The following EPHA6 variants were observed in gnomAD, a reference collection of about 807,000 sequenced individuals.
EPHA6 encodes the protein ephrin type-A receptor 6.
In EPHA6, 50 loss-of-function variants were observed where a neutral mutation model predicts 112.0. That is an observed-to-expected ratio of 0.45 (90% CI 0.36 to 0.56). EPHA6 has a LOEUF of 0.56. Among genes scored for constraint, EPHA6 ranks in the 20% least tolerant of loss-of-function variants. The pLI is 0.00. For missense variants in EPHA6, 1,280 were observed against 1,417.4 expected (o/e 0.90, Z 1.56); for synonymous variants, 529 against 490.7 (o/e 1.08, Z -1.03).
chr3:97,386,782 G>C (rs539392606), intron 5 of EPHA6, among the ~76,000 whole-genome samples: 1 of 152,222 alleles, frequency 6.6e-6, no homozygotes. Flanking sequence ...CCATAGTAGA[G>C]GTTCTCCATG....
At chr3:96,897,211 A>AACACACACAC (rs57409609) in intron 2 of EPHA6, among the ~76,000 whole-genome samples, 11 of 143,422 alleles carry the variant, frequency 7.7e-5, no homozygotes, top group Admixed American at 2.1e-4. Flanking sequence ...TGTATATACA[A>AACACACACAC]ACACACACAC....
intron 3 of EPHA6, among the ~76,000 whole-genome samples, chr3:96,990,926 G>C (rs893387529): frequency 1.3e-5 from 2 of 151,808 alleles, no homozygotes; most frequent in African/African-American, 4.8e-5. Flanking sequence ...AATAGGAAAA[G>C]AAAAAATGAG....
intron 2 of EPHA6, among the ~76,000 whole-genome samples, chr3:96,984,533 T>C (rs2042943418): frequency 6.6e-6 from 1 of 151,366 alleles, no homozygotes; most frequent in South Asian, 2.1e-4. Flanking sequence ...CTGTCCATTC[T>C]CAGATCTCAA....
chr3:97,153,686 A>G (rs571668530), intron 3 of EPHA6, among the ~76,000 whole-genome samples: 1 of 152,148 alleles, frequency 6.6e-6, no homozygotes, highest in Admixed American at 6.5e-5. Flanking sequence ...AATGTTATTT[A>G]TTTACACCTA....
chr3:97,691,426 T>C (rs1422524885), intron 14 of EPHA6, among the ~76,000 whole-genome samples: 1 of 152,238 alleles, frequency 6.6e-6, no homozygotes, highest in Non-Finnish European at 1.5e-5. Context: ...TGTGGGCCCC[T>C]TGTATCTTCA....
chr3:97,132,436 A>G (rs1303561485), intron 3 of EPHA6, among the ~76,000 whole-genome samples: 1 of 152,078 alleles, frequency 6.6e-6, no homozygotes, highest in Non-Finnish European at 1.5e-5. Context: ...CATTCAACTT[A>G]GTCTTTTTAA....
chr3:96,969,303 A>G (rs2042233898), intron 2 of EPHA6, among the ~76,000 whole-genome samples: 3 of 151,920 alleles, frequency 2.0e-5, no homozygotes, highest in South Asian at 4.1e-4. Flanking sequence ...AGATTTTCAT[A>G]TCTGGCACCC....
At chr3:97,168,897 G>A (rs1390360487) in intron 3 of EPHA6, among the ~76,000 whole-genome samples, 1 of 152,164 alleles carries the variant, frequency 6.6e-6, no homozygotes, top group African/African-American at 2.4e-5. Context: ...GTAATGGGCA[G>A]GGGTTGGAAC....
intron 5 of EPHA6, among the ~76,000 whole-genome samples, chr3:97,247,994 T>C (rs1460344861): frequency 1.3e-5 from 2 of 152,040 alleles, no homozygotes; most frequent in Non-Finnish European, 2.9e-5. Flanking sequence ...TGTAGTTGAC[T>C]GTATGTATAT....
At position 97,752,341 on chromosome 3, in the gene EPHA6, T is replaced by C. The variant is rs1025858677; in HGVS notation, c.*3640T>C. 8.9e-6 allele frequency: 2 copies of C among 224,226 alleles called. No individual in the cohort carries two copies. The highest frequency in any genetic ancestry group is 3.7e-4 in the South Asian group (2 of 5,442). The allele number at this position is 224,226 out of a possible 1,614,324, so 13.9% of individuals were successfully genotyped here. A position where few individuals can be genotyped will look rare whatever the true frequency, so the allele number is the denominator to read the frequency against. On this transcript the variant is annotated 3_prime_UTR_variant, in exon 18 of 18. Transcript: ENST00000389672. ...CAACCACATTTCTTAAAAATGTGTT[T>C]TGGTGTCTTTTCCTACCAAATTTCT... is the stretch of plus-strand genomic sequence containing the variant.
intron 12 of EPHA6, among the ~76,000 whole-genome samples, chr3:97,600,793 C>T (rs2093637144): frequency 2.0e-5 from 3 of 151,240 alleles, no homozygotes; most frequent in Non-Finnish European, 4.4e-5. Flanking sequence ...TTATGTAAGA[C>T]TAGCAGTGCA....
At chr3:97,631,993 T>C (rs1021902017) in intron 13 of EPHA6, among the ~76,000 whole-genome samples, 3 of 152,006 alleles carry the variant, frequency 2.0e-5, no homozygotes, top group African/African-American at 7.2e-5. Flanking sequence ...CAGATATCTA[T>C]ATAAGATATT....
intron 3 of EPHA6, among the ~76,000 whole-genome samples, chr3:97,218,868 A>G (rs921051621): frequency 3.3e-5 from 5 of 152,124 alleles, no homozygotes; most frequent in African/African-American, 1.2e-4. Context: ...AATCAAAAGC[A>G]AGTGAATTAG....
Position 97,596,886 on chromosome 3 carries a change from ATATATATATATATATATATGTATG to A in EPHA6, c.2512+4157_2512+4180del, listed in dbSNP as rs992441477. Reference sequence around the variant, plus strand: ...ATATATATCTATGGAATATATATATATATATATATATATATATATGTATGTATATATGCCAGATTGGATTATAGA... The same window carrying A: ...ATATATATCTATGGAATATATATATATATATATGCCAGATTGGATTATAGA... On this transcript the variant is annotated intron_variant, in intron 12 of 17. Coordinates refer to ENST00000389672, the MANE Select transcript of EPHA6 (RefSeq NM_001080448.3). 3.0e-5 allele frequency among the ~76,000 whole-genome samples: 4 copies of A among 134,018 alleles called. 1 individual carries two copies. Among genetic ancestry groups the A allele is most frequent in the African/African-American group, 8.8e-5 (3 of 34,228 alleles). 87.9% of individuals were successfully genotyped at this position (134,018 alleles called of 152,430 possible). A position where few individuals can be genotyped will look rare whatever the true frequency, so the allele number is the denominator to read the frequency against.
At chr3:97,479,265 C>G in intron 8 of EPHA6, 29 bp from the exon 9 acceptor site, 1 of 1,466,446 alleles carries the variant, frequency 6.8e-7, no homozygotes, top group South Asian at 1.3e-5. Flanking sequence ...CTTCTTAAAA[C>G]AAGTTTTTTT....
At chr3:97,327,014 A>C (rs564687765) in intron 5 of EPHA6, among the ~76,000 whole-genome samples, 1 of 152,154 alleles carries the variant, frequency 6.6e-6, no homozygotes, top group African/African-American at 2.4e-5. Context: ...CAGTCTTACA[A>C]ATACTGTGAA....
chr3:97,209,531 C>A lies in EPHA6; in HGVS notation c.1115-16733C>A, dbSNP rs1202850890. Among the ~76,000 whole-genome samples the A allele has an allele frequency of 2.0e-5, 3 of 152,098 alleles. No homozygotes were observed. In the East Asian group the frequency reaches 5.8e-4, roughly 29 times the overall value. ...TAAATAGAATAAATATATAAAACATCAATTTGTACTGGATGAAAATTGTGA... is the reference window on the plus strand; with the variant it reads ...TAAATAGAATAAATATATAAAACATAAATTTGTACTGGATGAAAATTGTGA... On this transcript the variant is annotated intron_variant, in intron 3 of 17. Coordinates refer to ENST00000389672, the MANE Select transcript of EPHA6 (RefSeq NM_001080448.3).
chr3:97,625,832 T>G (rs567658035), intron 13 of EPHA6, among the ~76,000 whole-genome samples: 2 of 151,510 alleles, frequency 1.3e-5, no homozygotes, highest in Non-Finnish European at 3.0e-5. Flanking sequence ...TTTAAGGAGA[T>G]GAAAAGGTAC....
At chr3:97,644,288 A>G (rs535438415) in intron 14 of EPHA6, among the ~76,000 whole-genome samples, 10 of 149,686 alleles carry the variant, frequency 6.7e-5, no homozygotes, top group African/African-American at 2.5e-4. Context: ...CATTCAAAGC[A>G]GTGTGTAGAG....
Sources: allele counts gnomAD v4.1 joint callset (sites outside exome capture counted in the v4.1 genomes callset), GRCh38; gene constraint gnomAD v4.1.1; transcripts MANE v1.5; gene names NCBI Gene and HGNC (gene_info 2026-07-23, HGNC 2026-07-21).